SERPINI1: variants seen among roughly 807,000 people sequenced by gnomAD.
The protein encoded by SERPINI1 is serpin family I member 1, also known as neuroserpin.
A neutral mutation model predicts 41.1 loss-of-function variants in SERPINI1; 19 were observed. The observed-to-expected ratio is 0.46, with a 90% CI of 0.32 to 0.68. The LOEUF (loss-of-function observed/expected upper bound fraction) is 0.68, where lower values mean the gene tolerates loss of function less well. Among genes scored for constraint, SERPINI1 ranks in the 30% least tolerant of loss-of-function variants. The probability of loss-of-function intolerance (pLI) is 0.03; values close to 1 mark genes in which losing one functional copy is unlikely to be tolerated. For missense variants in SERPINI1, 460 were observed against 479.2 expected (o/e 0.96, Z 0.37); for synonymous variants, 138 against 156.6 (o/e 0.88, Z 0.89).
intron 1 of SERPINI1, among the ~76,000 whole-genome samples, chr3:167,783,194 G>A (rs909466352): frequency 6.6e-6 from 1 of 152,186 alleles, no homozygotes; most frequent in Non-Finnish European, 1.5e-5. Flanking sequence ...TACATTGAGA[G>A]GAAGAACTGC....
chr3:167,813,933 C>T (rs1030929830), intron 6 of SERPINI1, among the ~76,000 whole-genome samples: 1 of 152,124 alleles, frequency 6.6e-6, no homozygotes, highest in African/African-American at 2.4e-5. Flanking sequence ...TAAGCATGCC[C>T]AGTTTGTATC....
In SERPINI1 at chr3:167,789,335, G is replaced by A; in HGVS notation, c.207G>A (p.Gln69=). The change falls in exon 2 of 9, where the codon CAG becomes CAA. Residue 69 remains glutamine, a synonymous_variant. Transcript: ENST00000446050. ...MMELGAQGST[Q]KEIRHSMGYD... ...AACTTGGGGCCCAAGGATCTACCCA[G>A]AAAGAAATCCGCCACTCAATGGGAT... 1 of 1,614,146 alleles carries A rather than the reference G, an allele frequency of 6.2e-7. No homozygotes were observed. Among genetic ancestry groups the A allele is most frequent in the Non-Finnish European group, 8.5e-7 (1 of 1,180,012 alleles).
chr3:167,753,449 G>C (rs935275408), intron 1 of SERPINI1, among the ~76,000 whole-genome samples: 1 of 151,992 alleles, frequency 6.6e-6, no homozygotes, highest in African/African-American at 2.4e-5. Flanking sequence ...AATATAGGAA[G>C]CATCTAATGT....
chr3:167,737,717 T>C (rs1725525050), intron 1 of SERPINI1, among the ~76,000 whole-genome samples: 1 of 152,152 alleles, frequency 6.6e-6, no homozygotes, highest in Admixed American at 6.5e-5. Context: ...TGAAAGAGTT[T>C]TATTGGGAAA....
At chr3:167,765,007 C>T (rs1454460735) in intron 1 of SERPINI1, among the ~76,000 whole-genome samples, 1 of 152,226 alleles carries the variant, frequency 6.6e-6, no homozygotes, top group Non-Finnish European at 1.5e-5. Flanking sequence ...TGTGACTTTG[C>T]AGGGTACACC....
At chr3:167,813,459 C>A (rs1577433247) in intron 6 of SERPINI1, among the ~76,000 whole-genome samples, 1 of 152,086 alleles carries the variant, frequency 6.6e-6, no homozygotes, top group Non-Finnish European at 1.5e-5. Flanking sequence ...CAAGAGATCC[C>A]CACTGGGGAT....
chr3:167,787,423 A>G (rs1325087753), intron 1 of SERPINI1, among the ~76,000 whole-genome samples: 1 of 152,238 alleles, frequency 6.6e-6, no homozygotes, highest in Non-Finnish European at 1.5e-5. Flanking sequence ...GTTTAAACCT[A>G]TCACATGCGT....
At position 167,807,298 on chromosome 3, in the gene SERPINI1, A is replaced by G; in HGVS notation, c.936A>G (p.Ile312Met). ...DLKDVLKALG[I>M]TEIFIKDANL... is the part of the protein sequence containing the mutation. Reference sequence around the variant, plus strand: ...AAGATGTTTTGAAGGCTCTTGGAATAACTGAAATTTTCATCAAAGATGCAA... The same window carrying G: ...AAGATGTTTTGAAGGCTCTTGGAATGACTGAAATTTTCATCAAAGATGCAA... The change falls in exon 6 of 9, where the codon ATA becomes ATG. Residue 312 changes from isoleucine (I) to methionine (M), a missense_variant. Coordinates refer to ENST00000446050, the MANE Select transcript of SERPINI1 (RefSeq NM_001122752.2). 1 of 1,612,978 alleles carries G rather than the reference A, an allele frequency of 6.2e-7. No individual in the cohort carries two copies. Among genetic ancestry groups the G allele is most frequent in the Non-Finnish European group, 8.5e-7 (1 of 1,179,328 alleles).
intron 1 of SERPINI1, 54 bp from the exon 2 acceptor site, chr3:167,789,057 A>C: frequency 6.4e-7 from 1 of 1,555,044 alleles, no homozygotes; most frequent in South Asian, 1.1e-5. Context: ...TCCTTCCATG[A>C]GACTTTTGTT....
rs773970703 is a variant in SERPINI1, at chr3:167,807,209, C to G, written c.882-35C>G. On this transcript the variant is annotated intron_variant, in intron 5 of 8. Coordinates refer to ENST00000446050, the MANE Select transcript of SERPINI1 (RefSeq NM_001122752.2). ...TTCTTGTTCCAGGTAACAAGATGCT[C>G]TAACTAAATATTTTTCTCCCTATGT... The G allele has an allele frequency of 3.7e-6, 5 of 1,358,248 alleles. No homozygotes were observed. The South Asian group carries it at 4.7e-5, about 13-fold the overall frequency. The allele number at this position is 1,358,248 out of a possible 1,614,324, so 84.1% of individuals were successfully genotyped here. A position where few individuals can be genotyped will look rare whatever the true frequency, so the allele number is the denominator to read the frequency against.
At chr3:167,736,107 AGGTGGATGTTATCT>A (rs1207163233) in intron 1 of SERPINI1, 2 of 152,210 alleles carry the variant, frequency 1.3e-5, no homozygotes, top group African/African-American at 2.4e-5. Context: ...ATTGAGGACG[AGGTGGATGTTATCT>A]GGTGGATGTT....
Position 167,794,768 on chromosome 3 carries a change from G to C in SERPINI1, c.825G>C (p.Leu275=). 14 of 1,613,662 alleles carry C rather than the reference G, an allele frequency of 8.7e-6. No individual in the cohort carries two copies. Among genetic ancestry groups the C allele is most frequent in the Non-Finnish European group, 1.2e-5 (14 of 1,179,808 alleles). Residue 275 remains leucine, a synonymous_variant, in exon 5 of 9, where the codon CTG becomes CTC. Coordinates refer to ENST00000446050, the MANE Select transcript of SERPINI1 (RefSeq NM_001122752.2). ...ATLEPLVKAQ[L]VEEWANSVKK... is the part of the protein sequence containing the mutation. Reference sequence around the variant, plus strand: ...TGGAGCCATTAGTCAAAGCACAGCTGGTTGAAGAATGGGCAAACTCTGTGA... The same window carrying C: ...TGGAGCCATTAGTCAAAGCACAGCTCGTTGAAGAATGGGCAAACTCTGTGA...
chr3:167,781,822 C>G (rs1003734997), intron 1 of SERPINI1, among the ~76,000 whole-genome samples: 1 of 151,842 alleles, frequency 6.6e-6, no homozygotes, highest in African/African-American at 2.4e-5. Flanking sequence ...ATTAGATGAA[C>G]TACCAGGGAA....
At chr3:167,812,062 A>G (rs1711908050) in intron 6 of SERPINI1, among the ~76,000 whole-genome samples, 1 of 152,150 alleles carries the variant, frequency 6.6e-6, no homozygotes, top group Non-Finnish European at 1.5e-5. Context: ...ATCTTTTGCT[A>G]AGACCTCTCA....
At chr3:167,777,693 A>G (rs1209753897) in intron 1 of SERPINI1, among the ~76,000 whole-genome samples, 1 of 152,204 alleles carries the variant, frequency 6.6e-6, no homozygotes, top group Non-Finnish European at 1.5e-5. Context: ...TATATAAGAA[A>G]GTACTTTAGA....
Position 167,815,835 on chromosome 3 carries a change from G to A in SERPINI1, c.980-7151G>A, listed in dbSNP as rs1367412333. On this transcript the variant is annotated intron_variant, in intron 6 of 8. Coordinates refer to ENST00000446050, the MANE Select transcript of SERPINI1 (RefSeq NM_001122752.2). ...ATCATGATATGGGAATCCAAACGTT[G>A]CATTCAATCTTTGCTGTCTTTGAAA... is the stretch of plus-strand genomic sequence containing the variant. Among the ~76,000 whole-genome samples, 3 of 152,136 alleles carry A rather than the reference G, an allele frequency of 2.0e-5. No homozygotes were observed. The East Asian group carries it at 5.8e-4, about 29-fold the overall frequency.
rs71753556 is a variant in SERPINI1, at chr3:167,759,400, G to GTATATATATATATATATA, written c.-19+23581_-19+23598dup. 5.2e-3 allele frequency among the ~76,000 whole-genome samples: 630 copies of GTATATATATATATATATA among 121,020 alleles called. 16 individuals carry two copies. Among genetic ancestry groups the GTATATATATATATATATA allele is most frequent in the East Asian group, 8.7e-3 (35 of 4,040 alleles). The allele number at this position is 121,020 out of a possible 152,430, so 79.4% of individuals were successfully genotyped here. ...ATCAACATTGGATAAAGAAAATGTG[G>GTATATATATATATATATA]TATATATATATATATATATATGCGC... On this transcript the variant is annotated intron_variant, in intron 1 of 8. Transcript: ENST00000446050.
chr3:167,738,678 A>G (rs1426584485), intron 1 of SERPINI1, among the ~76,000 whole-genome samples: 2 of 151,850 alleles, frequency 1.3e-5, no homozygotes, highest in Non-Finnish European at 2.9e-5. Flanking sequence ...TCAAAATCCA[A>G]TGAATACCAG....
intron 1 of SERPINI1, among the ~76,000 whole-genome samples, chr3:167,783,077 A>G (rs148655760): frequency 6.4e-4 from 98 of 152,328 alleles, no homozygotes; most frequent in African/African-American, 2.3e-3. Flanking sequence ...CATAAGGAGT[A>G]TCAAGACAAT....
Sources: gnomAD v4.1 joint callset for allele counts (sites outside exome capture counted in the v4.1 genomes callset) on GRCh38, gnomAD v4.1.1 for gene constraint, MANE v1.5 for transcripts, NCBI Gene and HGNC (gene_info 2026-07-23, HGNC 2026-07-21) for gene names.